LARGE1: variants seen among roughly 807,000 people sequenced by gnomAD.
The protein encoded by LARGE1 is xylosyl- and glucuronyltransferase LARGE1.
Under a neutral mutation model 87.6 loss-of-function variants are expected in LARGE1, and 43 were observed. The observed-to-expected ratio is 0.49, with a 90% CI of 0.38 to 0.63. The LOEUF (loss-of-function observed/expected upper bound fraction) is 0.63. LARGE1 is among the 30% of genes least tolerant of loss of function. LARGE1 has a pLI of 0.00. For synonymous variants in LARGE1, 434 were observed against 394.6 expected, an observed-to-expected ratio of 1.10 and a Z score of -1.18; for missense variants, 802 against 1,000.2, an observed-to-expected ratio of 0.80 and a Z score of 2.67.
intron 8 of LARGE1, among the ~76,000 whole-genome samples, chr22:33,382,979 T>C (rs1056896121): frequency 6.6e-6 from 1 of 152,188 alleles, no homozygotes; most frequent in African/African-American, 2.4e-5. Flanking sequence ...AATAGTAAAG[T>C]AATCATGCAG....
In LARGE1 at chr22:33,340,797, TGAA is replaced by T. The variant is rs1939056561; in HGVS notation, c.1132-2999_1132-2997del. On this transcript the variant is annotated intron_variant, in intron 9 of 14. Coordinates refer to ENST00000397394, the MANE Select transcript of LARGE1 (RefSeq NM_133642.5). ...TGCAATCGTAAAGGGGAAGAAACAG[TGAA>T]GAAGTGACTTGCCTATGGCCACCTT... 1.3e-5 allele frequency among the ~76,000 whole-genome samples: 2 copies of T among 151,796 alleles called. 1 individual carries two copies. Among genetic ancestry groups the T allele is most frequent in the African/African-American group, 4.9e-5 (2 of 41,110 alleles).
intron 1 of LARGE1, among the ~76,000 whole-genome samples, chr22:33,915,042 C>CAGAGAGAGAGAGAGAGAG (rs57289711): frequency 2.9e-5 from 4 of 137,032 alleles, no homozygotes; most frequent in African/African-American, 1.1e-4. Flanking sequence ...CACACACACA[C>CAGAGAGAGAGAGAGAGAG]AGAGAGAGAG....
chr22:33,589,011 G>A (rs768566921), intron 5 of LARGE1, among the ~76,000 whole-genome samples: 2 of 152,210 alleles, frequency 1.3e-5, no homozygotes, highest in Non-Finnish European at 2.9e-5. Flanking sequence ...GACTGACAGG[G>A]CCTCAGGCAA....
chr22:33,269,440 C>T (rs1928128756), downstream of LARGE1, among the ~76,000 whole-genome samples: 1 of 152,068 alleles, frequency 6.6e-6, no homozygotes, highest in Non-Finnish European at 1.5e-5. Context: ...TAATGTCCAC[C>T]AATGAGTAGA....
At chr22:33,650,852 C>A (rs9621741) in intron 2 of LARGE1, among the ~76,000 whole-genome samples, 184 bp from the exon 3 acceptor site, 50 of 152,148 alleles carry the variant, frequency 3.3e-4, no homozygotes, top group African/African-American at 1.2e-3. Context: ...AAGTTGAGAA[C>A]AGAACAACTT....
intron 6 of LARGE1, among the ~76,000 whole-genome samples, chr22:33,459,875 G>C (rs190722562): frequency 3.0e-4 from 46 of 151,428 alleles, no homozygotes; most frequent in Non-Finnish European, 1.5e-5. Context: ...TAGCACCCAA[G>C]AACAATGCTG....
chr22:33,094,094 T>C, the LARGE1 span, among the ~76,000 whole-genome samples: 2 of 152,058 alleles, frequency 1.3e-5, no homozygotes, highest in Non-Finnish European at 2.9e-5. Context: ...TAGTTCAAAG[T>C]ACTCAGCTTG....
At chr22:33,693,385 T>C (rs1454980231) in intron 2 of LARGE1, among the ~76,000 whole-genome samples, 1 of 147,010 alleles carries the variant, frequency 6.8e-6, no homozygotes, top group Non-Finnish European at 1.5e-5. Context: ...TCTGTAACCT[T>C]AAAGCAACTG....
chr22:33,713,187 A>G (rs570020482), intron 2 of LARGE1, among the ~76,000 whole-genome samples: 28 of 152,282 alleles, frequency 1.8e-4, no homozygotes, highest in African/African-American at 5.8e-4. Context: ...TTCAGCTTAG[A>G]GAAGGATTAT....
At chr22:33,337,229 G>A (rs976854783) in intron 10 of LARGE1, among the ~76,000 whole-genome samples, 1 of 152,118 alleles carries the variant, frequency 6.6e-6, no homozygotes, top group African/African-American at 2.4e-5. Context: ...CCCTAAAGGA[G>A]CCAGTTACTT....
intron 2 of LARGE1, among the ~76,000 whole-genome samples, chr22:33,710,075 T>TTCAACAAATG (rs2082687544): frequency 6.6e-6 from 1 of 151,960 alleles, no homozygotes; most frequent in Admixed American, 6.6e-5. Flanking sequence ...GCTACTGCCG[T>TTCAACAAATG]TCAACAAATG....
At chr22:33,344,004 G>A (rs1011391936) in intron 9 of LARGE1, among the ~76,000 whole-genome samples, 3 of 152,184 alleles carry the variant, frequency 2.0e-5, no homozygotes, top group African/African-American at 7.2e-5. Context: ...GGAGAAAGAG[G>A]TGGGCTGGGA....
chr22:33,311,423 T>C (rs1009291779), intron 11 of LARGE1, among the ~76,000 whole-genome samples: 4 of 152,260 alleles, frequency 2.6e-5, no homozygotes, highest in African/African-American at 9.6e-5. Flanking sequence ...ATGTTTGTTC[T>C]ACTTGTTTGC....
At chr22:33,383,370 G>C (rs561947404) in intron 8 of LARGE1, among the ~76,000 whole-genome samples, 2 of 152,098 alleles carry the variant, frequency 1.3e-5, no homozygotes, top group East Asian at 3.9e-4. Context: ...AACCAGCCTG[G>C]CCAACGTGGA....
chr22:33,277,625 C>G (rs1451463780), intron 13 of LARGE1, among the ~76,000 whole-genome samples: 2 of 152,178 alleles, frequency 1.3e-5, no homozygotes, highest in African/African-American at 4.8e-5. Context: ...GATTGCTAAA[C>G]ACTGCTGGCA....
At chr22:33,356,030 C>G (rs1452336908) in intron 9 of LARGE1, among the ~76,000 whole-genome samples, 1 of 91,996 alleles carries the variant, frequency 1.1e-5, no homozygotes, top group Non-Finnish European at 2.2e-5. Context: ...CCGCTCTCCC[C>G]ATCCTCCTCC....
At chr22:33,617,674 T>C (rs1315842779) in intron 4 of LARGE1, among the ~76,000 whole-genome samples, 1 of 152,166 alleles carries the variant, frequency 6.6e-6, no homozygotes. Flanking sequence ...TGGTCCCACA[T>C]AGCATGCCTG....
intron 6 of LARGE1, among the ~76,000 whole-genome samples, chr22:33,458,349 C>T (rs1327700289): frequency 6.6e-6 from 1 of 152,142 alleles, no homozygotes; most frequent in African/African-American, 2.4e-5. Flanking sequence ...CATGATCCGC[C>T]CGCCTTGGCC....
At chr22:33,192,604 T>C (rs1245639722) in intron 11 of LARGE1, among the ~76,000 whole-genome samples, 1 of 152,250 alleles carries the variant, frequency 6.6e-6, no homozygotes, top group Admixed American at 6.5e-5. Context: ...AAATATTTTC[T>C]TCCATTCCAT....
Sources: allele counts gnomAD v4.1 joint callset (sites outside exome capture counted in the v4.1 genomes callset), GRCh38; gene constraint gnomAD v4.1.1; transcripts MANE v1.5; gene names NCBI Gene and HGNC (gene_info 2026-07-23, HGNC 2026-07-21).